Variants in WDFY4 observed in about 807,000 individuals in gnomAD.
The protein encoded by WDFY4 is WD repeat- and FYVE domain-containing protein 4.
In WDFY4, 169 loss-of-function variants were observed where a neutral mutation model predicts 351.9. The observed-to-expected ratio is 0.48, with a 90% CI of 0.42 to 0.55. WDFY4 has a LOEUF of 0.55. Ranked by LOEUF, WDFY4 falls within the 20% of genes least tolerant of loss-of-function variation. WDFY4 has a pLI of 0.00. For missense variants in WDFY4, 3,803 were observed against 3,935.6 expected, an observed-to-expected ratio of 0.97 and a Z score of 0.90; for synonymous variants, 1,622 against 1,574.6, an observed-to-expected ratio of 1.03 and a Z score of -0.71.
chr10:48,824,855 A>G (rs970935208), intron 35 of WDFY4, among the ~76,000 whole-genome samples: 1 of 152,164 alleles, frequency 6.6e-6, no homozygotes, highest in Non-Finnish European at 1.5e-5. Context: ...GTTGCTGCCC[A>G]GACTGGTCTT....
intron 13 of WDFY4, among the ~76,000 whole-genome samples, 180 bp downstream of exon 13, chr10:48,760,620 G>A (rs1589539892): frequency 6.6e-6 from 1 of 152,328 alleles, no homozygotes; most frequent in Middle Eastern, 3.4e-3. Flanking sequence ...ACTTGACTGA[G>A]TTGTGCCCAC....
intron 1 of WDFY4, among the ~76,000 whole-genome samples, chr10:48,699,427 A>G (rs2132134571): frequency 6.6e-6 from 1 of 152,238 alleles, no homozygotes; most frequent in East Asian, 1.9e-4. Context: ...CAGTTAATAC[A>G]TCACCGATGT....
At chr10:48,715,808 C>CTTTT (rs11101438) in intron 2 of WDFY4, among the ~76,000 whole-genome samples, 3 of 141,296 alleles carry the variant, frequency 2.1e-5, no homozygotes, top group Non-Finnish European at 3.1e-5. Flanking sequence ...CTTTTCTTTT[C>CTTTT]TTTTTTTTTT....
intron 1 of WDFY4, among the ~76,000 whole-genome samples, chr10:48,703,901 G>A (rs2063550231): frequency 6.6e-6 from 1 of 152,146 alleles, no homozygotes; most frequent in Non-Finnish European, 1.5e-5. Context: ...TGGGGTGCAG[G>A]GTGAGGGTGG....
chr10:48,859,863 G>T (rs577354245), intron 39 of WDFY4, among the ~76,000 whole-genome samples: 1 of 152,120 alleles, frequency 6.6e-6, no homozygotes, highest in African/African-American at 2.4e-5. Flanking sequence ...TAAAAATTAG[G>T]AATTCAGTTT....
At chr10:48,693,351 G>A (rs116026315) in intron 1 of WDFY4, among the ~76,000 whole-genome samples, 253 of 152,258 alleles carry the variant, frequency 1.7e-3, no homozygotes, top group African/African-American at 5.9e-3. Context: ...TGTTGGTGCC[G>A]GGCCCACTCT....
At chr10:48,787,919 TTCTTCTTCTTC>T (rs2066513491) in intron 20 of WDFY4, among the ~76,000 whole-genome samples, 1 of 66,810 alleles carries the variant, frequency 1.5e-5, no homozygotes, top group Non-Finnish European at 2.8e-5. Context: ...CTTCTTCTTC[TTCTTCTTCTTC>T]TTCTTCTTCT....
At chr10:48,977,866 G>A (rs1033906464) in intron 59 of WDFY4, among the ~76,000 whole-genome samples, 2 of 152,230 alleles carry the variant, frequency 1.3e-5, no homozygotes, top group African/African-American at 2.4e-5. Context: ...TTTTGAGTGA[G>A]TTGGCCTCAG....
chr10:48,924,262 G>A (rs1007411584), intron 47 of WDFY4, among the ~76,000 whole-genome samples: 1 of 152,184 alleles, frequency 6.6e-6, no homozygotes, highest in African/African-American at 2.4e-5. Context: ...GTTATAGAAG[G>A]CAGAGTGTGT....
intron 57 of WDFY4, 117 bp from the exon 58 acceptor site, chr10:48,974,745 A>T: frequency 9.3e-7 from 1 of 1,073,736 alleles, no homozygotes; most frequent in Non-Finnish European, 1.3e-6. Context: ...GGAATCACTG[A>T]CTCACTCAGA....
intron 51 of WDFY4, among the ~76,000 whole-genome samples, chr10:48,951,353 G>A (rs79867092): frequency 0.031 from 4,773 of 152,232 alleles, 76 homozygotes; most frequent in Middle Eastern, 0.078. Flanking sequence ...GTGTGAACTC[G>A]TCTGTCTGCC....
intron 32 of WDFY4, among the ~76,000 whole-genome samples, chr10:48,819,734 C>T (rs2067749382): frequency 6.6e-6 from 1 of 152,186 alleles, no homozygotes; most frequent in Non-Finnish European, 1.5e-5. Context: ...CCGTTCTTGC[C>T]TGAGGAGCCT....
At chr10:48,846,319 G>A (rs183791812) in intron 39 of WDFY4, among the ~76,000 whole-genome samples, 75 of 152,328 alleles carry the variant, frequency 4.9e-4, no homozygotes, top group African/African-American at 1.7e-3. Flanking sequence ...GCTTAGAGGA[G>A]GCCTGCAGGG....
chr10:48,717,987 G>T (rs1428737679), intron 2 of WDFY4, among the ~76,000 whole-genome samples: 1 of 152,144 alleles, frequency 6.6e-6, no homozygotes, highest in East Asian at 1.9e-4. Context: ...TCTTCAAAGT[G>T]TTCTTCCAAC....
intron 19 of WDFY4, 59 bp from the exon 20 acceptor site, chr10:48,786,580 T>A: frequency 7.7e-7 from 1 of 1,304,876 alleles, no homozygotes; most frequent in Admixed American, 2.4e-5. Context: ...TCACTTTGTA[T>A]TTACTTGATT....
intron 3 of WDFY4, among the ~76,000 whole-genome samples, chr10:48,720,806 C>G (rs1406791747): frequency 6.6e-6 from 1 of 152,236 alleles, no homozygotes; most frequent in Non-Finnish European, 1.5e-5. Context: ...TTCTTCCCCT[C>G]ATGTGCGCTG....
Position 48,735,950 on chromosome 10 carries a change from C to T in WDFY4, c.1758C>T (p.Ala586=), listed in dbSNP as rs558736744. 3.2e-6 allele frequency: 5 copies of T among 1,551,788 alleles called. No homozygotes were observed. The highest frequency in any genetic ancestry group is 4.9e-5 in the East Asian group (2 of 40,924). The stretch of plus-strand genomic sequence containing the variant: ...TGGATGACGAGTGCTACCGGGAGGC[C>T]TCGCTCAGCATCTTGGAGCAGCTCT... ...IFLDDECYRE[A]SLSILEQLSA... is the part of the protein sequence containing the mutation. Residue 586 remains alanine (A), a synonymous_variant, in exon 11 of 62, where the codon GCC becomes GCT. Transcript: ENST00000325239.
At chr10:48,927,974 C>T (rs1408359954) in intron 47 of WDFY4, among the ~76,000 whole-genome samples, 1 of 152,208 alleles carries the variant, frequency 6.6e-6, no homozygotes, top group African/African-American at 2.4e-5. Context: ...ACAAACCAAC[C>T]TCAAGAGAAG....
intron 54 of WDFY4, among the ~76,000 whole-genome samples, chr10:48,964,975 G>C (rs992056813): frequency 1.3e-5 from 2 of 152,280 alleles, no homozygotes; most frequent in African/African-American, 4.8e-5. Context: ...CCAGGTAAAG[G>C]GAATATGAGG....
Sources: gnomAD v4.1 joint callset for allele counts (sites outside exome capture counted in the v4.1 genomes callset) on GRCh38, gnomAD v4.1.1 for gene constraint, MANE v1.5 for transcripts, NCBI Gene and HGNC (gene_info 2026-07-23, HGNC 2026-07-21) for gene names.